Variants in PLXDC1 observed in about 807,000 individuals in gnomAD.
PLXDC1 encodes the protein plexin domain containing 1.
A neutral mutation model predicts 61.3 loss-of-function variants in PLXDC1; 39 were observed. The ratio of observed to expected loss-of-function variants is 0.64; its 90% CI spans 0.49 to 0.83. The LOEUF is 0.83. PLXDC1 is among the 40% of genes least tolerant of loss of function. The pLI is 0.00. For missense variants in PLXDC1, 596 were observed against 666.5 expected (o/e 0.89, Z 1.17); for synonymous variants, 212 against 254.5 (o/e 0.83, Z 1.59).
intron 7 of PLXDC1, among the ~76,000 whole-genome samples, chr17:39,095,260 ATATCTC>A (rs1567759159): frequency 6.6e-6 from 1 of 151,588 alleles, no homozygotes; most frequent in African/African-American, 2.4e-5. Context: ...GGGTGGAACT[ATATCTC>A]TAATTGAAAC....
At chr17:39,075,460 G>A (rs989512671) in intron 11 of PLXDC1, among the ~76,000 whole-genome samples, 1 of 152,180 alleles carries the variant, frequency 6.6e-6, no homozygotes, top group African/African-American at 2.4e-5. Flanking sequence ...AGGCAGTGGG[G>A]TTGAGGGGAA....
At chr17:39,108,297 C>A in intron 4 of PLXDC1, 52 bp from the exon 5 acceptor site, 3 of 1,596,478 alleles carry the variant, frequency 1.9e-6, no homozygotes, top group Non-Finnish European at 2.6e-6. Flanking sequence ...AGAGGGGCCG[C>A]TTTGGGGGCC....
chr17:39,122,117 G>GCA (rs199951907), intron 2 of PLXDC1, among the ~76,000 whole-genome samples: 1 of 147,374 alleles, frequency 6.8e-6, no homozygotes, highest in East Asian at 2.0e-4. Flanking sequence ...AAAAAGGGGG[G>GCA]GGGGACTGGG....
intron 7 of PLXDC1, among the ~76,000 whole-genome samples, chr17:39,091,453 G>C (rs573445827): frequency 6.6e-6 from 1 of 152,246 alleles, no homozygotes; most frequent in South Asian, 2.1e-4. Flanking sequence ...GGATGGTTTA[G>C]AATGAGATCC....
rs896970329 is a variant in PLXDC1, at chr17:39,066,961, A to C, written c.*879T>G. The C allele has an allele frequency of 2.6e-5, 4 of 152,330 alleles. No homozygotes were observed. The highest frequency in any genetic ancestry group is 9.6e-5 in the African/African-American group (4 of 41,548). The allele number at this position is 152,330 out of a possible 1,614,324, so 9.4% of individuals were successfully genotyped here. A position where few individuals can be genotyped will look rare whatever the true frequency, so the allele number is the denominator to read the frequency against. On this transcript the variant is annotated 3_prime_UTR_variant, in exon 14 of 14. Coordinates refer to ENST00000315392, the MANE Select transcript of PLXDC1 (RefSeq NM_020405.5). The stretch of plus-strand genomic sequence containing the variant: ...ACTTTAGTTAACCTGTGTCATATGC[A>C]GGGGCTTTAAAGGTGGCCAGGAGCA...
intron 7 of PLXDC1, among the ~76,000 whole-genome samples, chr17:39,095,220 A>G (rs1259070506): frequency 7.6e-6 from 1 of 130,734 alleles, no homozygotes; most frequent in African/African-American, 3.0e-5. Context: ...GGGGAGGCTG[A>G]GTGGTGGCAG....
intron 1 of PLXDC1, among the ~76,000 whole-genome samples, chr17:39,149,475 C>T (rs763961207): frequency 6.6e-6 from 1 of 152,168 alleles, no homozygotes; most frequent in Non-Finnish European, 1.5e-5. Flanking sequence ...AAAAGGGCAC[C>T]GGACTGGGAG....
intron 1 of PLXDC1, among the ~76,000 whole-genome samples, chr17:39,146,361 A>G (rs1027278525): frequency 2.7e-5 from 4 of 149,670 alleles, no homozygotes; most frequent in East Asian, 2.1e-4. Flanking sequence ...ATGAGCCACC[A>G]CGCCTGGCCA....
At chr17:39,129,729 A>AAAGAAAGAAAGAAAGAAAGAAAG (rs368912357) in intron 2 of PLXDC1, among the ~76,000 whole-genome samples, 3 of 39,316 alleles carry the variant, frequency 7.6e-5, no homozygotes, top group Admixed American at 1.8e-4. Flanking sequence ...AGAAAGAAAG[A>AAAGAAAGAAAGAAAGAAAGAAAG]AAAGAAAGAA....
At chr17:39,128,165 A>ATATATATGTATATATG (rs1911407384) in intron 2 of PLXDC1, among the ~76,000 whole-genome samples, 1 of 99,146 alleles carries the variant, frequency 1.0e-5, no homozygotes, top group Non-Finnish European at 1.9e-5. Context: ...ATATATATGT[A>ATATATATGTATATATG]TATATATGTA....
chr17:39,069,100 C>G (rs890326288), intron 13 of PLXDC1, among the ~76,000 whole-genome samples: 1 of 152,070 alleles, frequency 6.6e-6, no homozygotes, highest in African/African-American at 2.4e-5. Context: ...TTTGGCTTGT[C>G]TATTTTATTT....
chr17:39,130,570 CTTTA>C (rs1911526494), intron 2 of PLXDC1, among the ~76,000 whole-genome samples: 1 of 151,850 alleles, frequency 6.6e-6, no homozygotes, highest in African/African-American at 2.4e-5. Context: ...TTTTATTTTA[CTTTA>C]TTTTATTTTT....
Position 39,148,551 on chromosome 17 carries a change from T to TTACTAATA in PLXDC1, c.76+2803_76+2810dup, listed in dbSNP as rs573674341. 3.8e-3 allele frequency among the ~76,000 whole-genome samples: 581 copies of TTACTAATA among 151,798 alleles called. 10 individuals carry two copies. The highest frequency in any genetic ancestry group is 0.014 in the African/African-American group (560 of 41,406). On this transcript the variant is annotated intron_variant, in intron 1 of 13. Coordinates refer to ENST00000315392, the MANE Select transcript of PLXDC1 (RefSeq NM_020405.5). The stretch of plus-strand genomic sequence containing the variant: ...ATGCACCACCACGCCTGGCTAATTT[T>TTACTAATA]TACTAATATACTAATATTAATAATA...
intron 1 of PLXDC1, among the ~76,000 whole-genome samples, chr17:39,147,236 G>A (rs530976454): frequency 1.3e-5 from 2 of 152,130 alleles, no homozygotes; most frequent in Admixed American, 6.5e-5. Flanking sequence ...GATTACAGGC[G>A]CGGGCCACCG....
chr17:39,112,388 A>C (rs1174938294), intron 2 of PLXDC1: 1 of 151,982 alleles, frequency 6.6e-6, no homozygotes, highest in Non-Finnish European at 1.5e-5. Flanking sequence ...GACATCAGTT[A>C]GCCTAAAATT....
chr17:39,101,609 G>C (rs1167118279), intron 7 of PLXDC1, among the ~76,000 whole-genome samples: 1 of 152,212 alleles, frequency 6.6e-6, no homozygotes, highest in African/African-American at 2.4e-5. Context: ...ATGCTGACCA[G>C]GGAGGAGGGA....
chr17:39,063,783 A>C lies in PLXDC1; in HGVS notation c.*4057T>G, dbSNP rs1237489097. 1 of 386,192 alleles carries C rather than the reference A, an allele frequency of 2.6e-6. No homozygotes were observed. Among genetic ancestry groups the C allele is most frequent in the Non-Finnish European group, 4.7e-6 (1 of 211,682 alleles). The allele number at this position is 386,192 out of a possible 1,614,324, so 23.9% of individuals were successfully genotyped here. On this transcript the variant is annotated 3_prime_UTR_variant, in exon 14 of 14. Transcript: ENST00000315392. ...TTTGGAGACAGAGATTGGCCGCATC[A>C]TATCTGTGACACTGACTCTTCTGGT...
At chr17:39,097,954 C>T (rs904808384) in intron 7 of PLXDC1, among the ~76,000 whole-genome samples, 10 of 150,680 alleles carry the variant, frequency 6.6e-5, no homozygotes, top group East Asian at 1.9e-4. Context: ...CCTGTAATCC[C>T]GGCACTTTGG....
intron 10 of PLXDC1, 133 bp from the exon 11 acceptor site, chr17:39,078,181 C>A: frequency 1.2e-6 from 1 of 857,402 alleles, no homozygotes; most frequent in Non-Finnish European, 1.8e-6. Flanking sequence ...GCTGAGATGC[C>A]AATCTTAAAT....
Sources: gnomAD v4.1 joint callset for allele counts (sites outside exome capture counted in the v4.1 genomes callset) on GRCh38, gnomAD v4.1.1 for gene constraint, MANE v1.5 for transcripts, NCBI Gene and HGNC (gene_info 2026-07-23, HGNC 2026-07-21) for gene names.